The following UBE4B variants were observed in gnomAD, a reference collection of about 807,000 sequenced individuals.
The protein encoded by UBE4B is ubiquitin conjugation factor E4 B.
In UBE4B, 27 loss-of-function variants were observed where a neutral mutation model predicts 148.1. The ratio of observed to expected loss-of-function variants is 0.18; its 90% CI spans 0.13 to 0.25. UBE4B has a LOEUF of 0.25. Among genes scored for constraint, UBE4B ranks in the 10% least tolerant of loss-of-function variants. The pLI is 1.00. For missense variants in UBE4B, 1,170 were observed against 1,662.4 expected, an observed-to-expected ratio of 0.70 and a Z score of 5.15; for synonymous variants, 596 against 619.3, an observed-to-expected ratio of 0.96 and a Z score of 0.56.
intron 1 of UBE4B, among the ~76,000 whole-genome samples, chr1:10,061,187 G>A (rs1644278596): frequency 6.6e-6 from 1 of 152,060 alleles, no homozygotes; most frequent in South Asian, 2.1e-4. Context: ...CTTTAATAAC[G>A]AGGTGTAAAA....
At chr1:10,078,233 T>C (rs987763614) in intron 2 of UBE4B, among the ~76,000 whole-genome samples, 2 of 152,122 alleles carry the variant, frequency 1.3e-5, no homozygotes, top group Admixed American at 1.3e-4. Flanking sequence ...GGTCTCAAAC[T>C]CCTGACCTCA....
At position 10,095,498 on chromosome 1, in the gene UBE4B, T is replaced by C. The variant is rs1644916319; in HGVS notation, c.249T>C (p.Ser83=). The C allele has an allele frequency of 6.2e-7, 1 of 1,614,032 alleles. No individual in the cohort carries two copies. The highest frequency in any genetic ancestry group is 1.7e-5 in the Admixed American group (1 of 59,986). The change falls in exon 3 of 28, where the codon AGT becomes AGC. Residue 83 remains serine, a synonymous_variant. Transcript: ENST00000343090. ...AHRSQSSEGV[S]SLSSSPSNSL... is the part of the protein sequence containing the mutation. ...GAAGCCAGAGCAGTGAAGGAGTCAGTTCTCTCAGCAGCTCGCCCTCTAATA... is the reference window on the plus strand; with the variant it reads ...GAAGCCAGAGCAGTGAAGGAGTCAGCTCTCTCAGCAGCTCGCCCTCTAATA...
chr1:10,091,460 G>T (rs1557544287), intron 2 of UBE4B, among the ~76,000 whole-genome samples: 1 of 151,464 alleles, frequency 6.6e-6, no homozygotes, highest in South Asian at 2.1e-4. Flanking sequence ...TTTGACACAG[G>T]GTCTTAAAAA....
chr1:10,179,351 C>T (rs2102049511), intron 26 of UBE4B, 65 bp from the exon 27 acceptor site: 2 of 1,577,862 alleles, frequency 1.3e-6, no homozygotes. Flanking sequence ...GTAGAACGGG[C>T]TTTGTTTTCT....
intron 22 of UBE4B, among the ~76,000 whole-genome samples, chr1:10,159,583 G>T (rs1197774657): frequency 6.6e-6 from 1 of 152,196 alleles, no homozygotes; most frequent in African/African-American, 2.4e-5. Context: ...TACTCAGGAG[G>T]CTGAGGCAGG....
rs72861450 is a variant in UBE4B, at chr1:10,107,170, G to A, written c.1196+587G>A. The A allele has an allele frequency of 5.5e-3, 7,049 of 1,287,782 alleles. 297 individuals are homozygous for A. In the African/African-American group the frequency reaches 0.093, roughly 17 times the overall value. 79.8% of individuals were successfully genotyped at this position (1,287,782 alleles called of 1,614,324 possible). A position where few individuals can be genotyped will look rare whatever the true frequency, so the allele number is the denominator to read the frequency against. On this transcript the variant is annotated intron_variant, in intron 7 of 27. Transcript: ENST00000343090. ...ACAGCAGTTGCAAAAGCTTCTCCCC[G>A]TCTTGTTTTTTCTTTGTTCTCTGAT...
intron 21 of UBE4B, among the ~76,000 whole-genome samples, chr1:10,155,416 G>A (rs141193020): frequency 6.6e-6 from 1 of 152,302 alleles, no homozygotes; most frequent in East Asian, 1.9e-4. Context: ...GCTTAAAAGG[G>A]TCAAGAAGCT....
chr1:10,038,340 T>C (rs1273434979), intron 1 of UBE4B, among the ~76,000 whole-genome samples: 5 of 151,776 alleles, frequency 3.3e-5, no homozygotes, highest in Non-Finnish European at 7.4e-5. Flanking sequence ...ATGCAGAATA[T>C]GTGACCTTGG....
chr1:10,102,834 A>G (rs1645038050), intron 4 of UBE4B, 114 bp from the exon 5 acceptor site: 1 of 1,177,776 alleles, frequency 8.5e-7, no homozygotes, highest in Non-Finnish European at 1.2e-6. Context: ...GGTTTCATGC[A>G]TTTTTAAAAT....
intron 1 of UBE4B, among the ~76,000 whole-genome samples, chr1:10,043,141 C>G (rs994662142): frequency 6.6e-6 from 1 of 151,680 alleles, no homozygotes; most frequent in African/African-American, 2.4e-5. Context: ...TCCCAAGTAG[C>G]TGGGATTACA....
At chr1:10,063,369 C>T (rs1644324448) in intron 1 of UBE4B, among the ~76,000 whole-genome samples, 1 of 152,222 alleles carries the variant, frequency 6.6e-6, no homozygotes, top group African/African-American at 2.4e-5. Flanking sequence ...CATAACCCAT[C>T]TTCTTAAAAT....
intron 18 of UBE4B, among the ~76,000 whole-genome samples, chr1:10,145,807 T>G (rs1217348158): frequency 6.6e-6 from 1 of 152,204 alleles, no homozygotes; most frequent in Non-Finnish European, 1.5e-5. Flanking sequence ...TTGAAATTGA[T>G]TCATCACACA....
In UBE4B at chr1:10,153,343, G is replaced by A. The variant is rs557520312; in HGVS notation, c.2926+1782G>A. Among the ~76,000 whole-genome samples, 43 of 151,380 alleles carry A rather than the reference G, an allele frequency of 2.8e-4. 1 individual carries two copies. In the East Asian group the frequency reaches 8.0e-3, roughly 28 times the overall value. ...CAACATGGCGAGACCCCATCTCTAC[G>A]AAAAATTTAAAAATTAGATGCCTGT... is the stretch of plus-strand genomic sequence containing the variant. On this transcript the variant is annotated intron_variant, in intron 21 of 27. Transcript: ENST00000343090.
intron 1 of UBE4B, among the ~76,000 whole-genome samples, chr1:10,048,593 G>T (rs574469277): frequency 7.2e-5 from 11 of 152,312 alleles, no homozygotes; most frequent in Admixed American, 1.3e-4. Flanking sequence ...AGAGAGCATG[G>T]AATCTGGTGT....
At chr1:10,080,868 T>C (rs1644666890) in intron 2 of UBE4B, among the ~76,000 whole-genome samples, 1 of 152,090 alleles carries the variant, frequency 6.6e-6, no homozygotes, top group Non-Finnish European at 1.5e-5. Context: ...GTTGAACTCA[T>C]ACAAATAGAC....
intron 2 of UBE4B, among the ~76,000 whole-genome samples, chr1:10,085,140 AAGCCCT>A (rs1644745555): frequency 6.6e-6 from 1 of 152,202 alleles, no homozygotes; most frequent in Non-Finnish European, 1.5e-5. Context: ...CCTTAACATT[AAGCCCT>A]AGCCAGCCTC....
intron 1 of UBE4B, among the ~76,000 whole-genome samples, chr1:10,060,946 A>G (rs1276679415): frequency 6.6e-6 from 1 of 152,040 alleles, no homozygotes; most frequent in Non-Finnish European, 1.5e-5. Flanking sequence ...TCATCTTACT[A>G]TGCTGCTCAG....
intron 21 of UBE4B, among the ~76,000 whole-genome samples, chr1:10,156,166 G>T (rs1646067194): frequency 6.6e-6 from 1 of 151,066 alleles, no homozygotes; most frequent in Non-Finnish European, 1.5e-5. Flanking sequence ...GACTTTGAGG[G>T]AACAGTAGAA....
intron 18 of UBE4B, among the ~76,000 whole-genome samples, chr1:10,146,101 T>G (rs1457596570): frequency 6.6e-6 from 1 of 152,152 alleles, no homozygotes; most frequent in African/African-American, 2.4e-5. Flanking sequence ...GGGGCCCTTA[T>G]CTGGGGTCTG....
Sources: allele counts gnomAD v4.1 joint callset (sites outside exome capture counted in the v4.1 genomes callset), GRCh38; gene constraint gnomAD v4.1.1; transcripts MANE v1.5; gene names NCBI Gene and HGNC (gene_info 2026-07-23, HGNC 2026-07-21).